The following PTH2R variants were observed in gnomAD, a reference collection of about 807,000 sequenced individuals.
PTH2R encodes the protein PTH2 receptor.
In PTH2R, 59 loss-of-function variants were observed where a neutral mutation model predicts 60.3. The ratio of observed to expected loss-of-function variants is 0.98; its 90% confidence interval spans 0.79 to 1.22. PTH2R has a LOEUF of 1.22. PTH2R is among the 50% of genes most tolerant of loss of function. The pLI is 0.00. For missense variants in PTH2R, 749 were observed against 682.6 expected (o/e 1.10, Z -1.08); for synonymous variants, 256 against 243.8 (o/e 1.05, Z -0.47).
chr2:208,406,043 C>A (rs1262130332), upstream of PTH2R, among the ~76,000 whole-genome samples: 2 of 152,164 alleles, frequency 1.3e-5, no homozygotes, highest in Non-Finnish European at 2.9e-5. Flanking sequence ...AAAGGAGGTT[C>A]TCGCATTTCT....
At chr2:208,474,482 G>C (rs1702955544) in intron 9 of PTH2R, among the ~76,000 whole-genome samples, 1 of 152,188 alleles carries the variant, frequency 6.6e-6, no homozygotes. Flanking sequence ...AAATTATAAA[G>C]GAAGACTAGA....
chr2:208,395,989 G>T (rs1017712939), intron 1 of PTH2R, among the ~76,000 whole-genome samples: 1 of 152,056 alleles, frequency 6.6e-6, no homozygotes, highest in Non-Finnish European at 1.5e-5. Flanking sequence ...CAGAACAGAG[G>T]CCTCAGAAAT....
chr2:208,434,851 A>G (rs1462796446), intron 2 of PTH2R, among the ~76,000 whole-genome samples: 2 of 152,222 alleles, frequency 1.3e-5, no homozygotes, highest in Admixed American at 6.5e-5. Flanking sequence ...AAACATACAA[A>G]CAACAAAGCA....
At chr2:208,415,228 TATAA>T (rs2105840187) in intron 1 of PTH2R, among the ~76,000 whole-genome samples, 1 of 152,350 alleles carries the variant, frequency 6.6e-6, no homozygotes, top group African/African-American at 2.4e-5. Flanking sequence ...TACTATCTTA[TATAA>T]ATAAATTTTT....
intron 1 of PTH2R, among the ~76,000 whole-genome samples, chr2:208,379,972 A>G (rs901621096): frequency 6.6e-6 from 1 of 152,048 alleles, no homozygotes; most frequent in African/African-American, 2.4e-5. Context: ...TCCCAAATCA[A>G]TTATCCAGTG....
intron 10 of PTH2R, among the ~76,000 whole-genome samples, chr2:208,487,326 T>TGG (rs1703295493): frequency 6.6e-6 from 1 of 152,140 alleles, no homozygotes; most frequent in African/African-American, 2.4e-5. Flanking sequence ...TACTCACTCA[T>TGG]ACAGCTTATT....
intron 1 of PTH2R, among the ~76,000 whole-genome samples, chr2:208,374,605 C>T (rs1293517597): frequency 1.3e-5 from 2 of 152,020 alleles, no homozygotes; most frequent in Non-Finnish European, 2.9e-5. Context: ...CAGGTTCAAG[C>T]GATTCTCCTG....
At chr2:208,439,019 G>T (rs1274858821) in intron 4 of PTH2R, among the ~76,000 whole-genome samples, 1 of 152,136 alleles carries the variant, frequency 6.6e-6, no homozygotes, top group Non-Finnish European at 1.5e-5. Context: ...AAGCTAAAAT[G>T]CTTCAAAAGA....
At chr2:208,433,306 T>C (rs919829233) in intron 2 of PTH2R, among the ~76,000 whole-genome samples, 1 of 152,196 alleles carries the variant, frequency 6.6e-6, no homozygotes, top group Admixed American at 6.5e-5. Context: ...TGGTCAAACT[T>C]TGGTTTACCT....
intron 9 of PTH2R, among the ~76,000 whole-genome samples, chr2:208,475,029 G>A (rs1702969123): frequency 6.6e-6 from 1 of 152,172 alleles, no homozygotes; most frequent in Non-Finnish European, 1.5e-5. Context: ...GTGAGCTTGG[G>A]CAGCAAGCGT....
intron 9 of PTH2R, among the ~76,000 whole-genome samples, chr2:208,472,254 G>C (rs1256570801): frequency 6.6e-6 from 1 of 152,138 alleles, no homozygotes; most frequent in Non-Finnish European, 1.5e-5. Flanking sequence ...GAGGACATGA[G>C]ATTTGGGAGA....
chr2:208,406,877 C>A lies in PTH2R; in HGVS notation c.-167C>A. On this transcript the variant is annotated 5_prime_UTR_variant, in exon 1 of 13. Transcript: ENST00000272847. ...GCGGGTTCTGAGAAGCGCGTGGCTC[C>A]GGCGACAAGACCCCAAGCACCCTCG... 1 of 460,174 alleles carries A rather than the reference C, an allele frequency of 2.2e-6. No individual in the cohort carries two copies. The highest frequency in any genetic ancestry group is 3.7e-6 in the Non-Finnish European group (1 of 267,340). The allele number at this position is 460,174 out of a possible 1,614,324, so 28.5% of individuals were successfully genotyped here.
intron 1 of PTH2R, among the ~76,000 whole-genome samples, chr2:208,420,375 G>A (rs535588935): frequency 5.9e-4 from 90 of 152,122 alleles, no homozygotes; most frequent in African/African-American, 2.1e-3. Flanking sequence ...CTCCATAGCA[G>A]TGGAAACATT....
chr2:208,445,013 C>A, intron 7 of PTH2R, 126 bp downstream of exon 7: 1 of 1,015,240 alleles, frequency 9.8e-7, no homozygotes, highest in Non-Finnish European at 1.4e-6. Context: ...TATTTTTTAT[C>A]TCCCTTTTAT....
chr2:208,450,766 G>T lies in PTH2R; in HGVS notation c.871G>T (p.Val291Phe). The change falls in exon 8 of 13, where the codon GTT becomes TTT. Residue 291 changes from valine to phenylalanine, a missense_variant. Physicochemically the swap from Val to Phe is conservative, Grantham distance 50. Coordinates refer to ENST00000272847, the MANE Select transcript of PTH2R (RefSeq NM_005048.4). ...GATTTCAGGGTTTCCAGCAGCATTT[G>T]TTGCAGCATGGGCTGTGGCACGAGC... ...LIGWGFPAAFVAAWAVARATL... is the reference protein window; with the variant it reads ...LIGWGFPAAFFAAWAVARATL... The T allele has an allele frequency of 6.2e-7, 1 of 1,613,980 alleles. No individual in the cohort carries two copies. Among genetic ancestry groups the T allele is most frequent in the South Asian group, 1.1e-5 (1 of 91,072 alleles).
chr2:208,418,240 C>T (rs1701681689), intron 1 of PTH2R, among the ~76,000 whole-genome samples: 1 of 151,810 alleles, frequency 6.6e-6, no homozygotes, highest in Admixed American at 6.6e-5. Flanking sequence ...AAAATATAAA[C>T]ATTAAATAAA....
chr2:208,413,166 CACACAG>C (rs1430236006), intron 1 of PTH2R, among the ~76,000 whole-genome samples: 2 of 151,722 alleles, frequency 1.3e-5, no homozygotes, highest in African/African-American at 4.8e-5. Flanking sequence ...CACACACACA[CACACAG>C]AATGTTTATA....
intron 10 of PTH2R, among the ~76,000 whole-genome samples, chr2:208,485,636 G>T (rs1170355747): frequency 6.6e-6 from 1 of 152,148 alleles, no homozygotes; most frequent in Non-Finnish European, 1.5e-5. Flanking sequence ...ACATTCCACT[G>T]GACAGAATTT....
chr2:208,429,049 A>T (rs1343270237), intron 2 of PTH2R, among the ~76,000 whole-genome samples: 1 of 149,940 alleles, frequency 6.7e-6, no homozygotes, highest in East Asian at 2.0e-4. Flanking sequence ...CGCACCATTG[A>T]ACTCCAGCCT....
Sources: allele counts gnomAD v4.1 joint callset (sites outside exome capture counted in the v4.1 genomes callset), GRCh38; gene constraint gnomAD v4.1.1; transcripts MANE v1.5; gene names NCBI Gene and HGNC (gene_info 2026-07-23, HGNC 2026-07-21).